The following MROH7 variants were observed in gnomAD, a reference collection of about 807,000 sequenced individuals.
The protein encoded by MROH7 is maestro heat-like repeat-containing protein family member 7.
In MROH7, 113 loss-of-function variants were observed where a neutral mutation model predicts 129.2. The observed-to-expected ratio is 0.87, with a 90% CI of 0.75 to 1.02. MROH7 has a LOEUF of 1.02. MROH7 is among the 50% of genes least tolerant of loss of function. MROH7 has a pLI of 0.00. For synonymous variants in MROH7, 655 were observed against 667.9 expected (o/e 0.98, Z 0.30); for missense variants, 1,601 against 1,671.3 (o/e 0.96, Z 0.73).
chr1:54,676,570 T>G lies in MROH7; in HGVS notation c.1937-2172T>G, dbSNP rs182369303. ...GACTACAGGTGGCTAATTTTTGTGTTTTTTAATAGAGTCAGAGTTTTGCCA... is the reference window on the plus strand; with the variant it reads ...GACTACAGGTGGCTAATTTTTGTGTGTTTTAATAGAGTCAGAGTTTTGCCA... On this transcript the variant is annotated intron_variant, in intron 10 of 23. Transcript: ENST00000421030. Among the ~76,000 whole-genome samples the G allele has an allele frequency of 1.6e-3, 240 of 152,140 alleles. 1 individual carries two copies. Among genetic ancestry groups the G allele is most frequent in the South Asian group, 3.5e-3 (17 of 4,816 alleles).
chr1:54,703,618 A>G lies in MROH7; in HGVS notation c.3564+873A>G, dbSNP rs555195180. Among the ~76,000 whole-genome samples, 11 of 152,186 alleles carry G rather than the reference A, an allele frequency of 7.2e-5. No individual in the cohort carries two copies. The highest frequency in any genetic ancestry group is 2.2e-4 in the African/African-American group (9 of 41,528). ...ATACCTGTGAACATCATGAGGTAGG[A>G]GCAAGCCGCGTGCATGTGCGCGCGC... On this transcript the variant is annotated intron_variant, in intron 21 of 23. Coordinates refer to ENST00000421030, the MANE Select transcript of MROH7 (RefSeq NM_001039464.4). This position sits in a 1 kb window ranked among gnomAD's most constrained non-coding sequence, Gnocchi z 4.4.
At chr1:54,652,181 G>A (rs1041861051) in intron 2 of MROH7, among the ~76,000 whole-genome samples, 198 bp downstream of exon 2, 1 of 152,110 alleles carries the variant, frequency 6.6e-6, no homozygotes, top group Non-Finnish European at 1.5e-5. Context: ...CTTTGCCAGG[G>A]TTGCTGTGAG....
intron 21 of MROH7, among the ~76,000 whole-genome samples, chr1:54,704,752 C>T (rs756343161): frequency 5.5e-5 from 8 of 145,514 alleles, no homozygotes; most frequent in Non-Finnish European, 1.0e-4. Context: ...GGTCAGAAAC[C>T]CTACATTTTT....
At chr1:54,642,555 G>A (rs1188451274) in intron 1 of MROH7, among the ~76,000 whole-genome samples, 1 of 152,154 alleles carries the variant, frequency 6.6e-6, no homozygotes, top group Admixed American at 6.5e-5. Context: ...GGAAAACTGT[G>A]GGTTGAAGAA....
chr1:54,693,704 C>T (rs75481918), intron 16 of MROH7, among the ~76,000 whole-genome samples: 3 of 152,076 alleles, frequency 2.0e-5, no homozygotes, highest in African/African-American at 4.8e-5. Flanking sequence ...TGCTGTGACT[C>T]CTGCAGGAAA....
intron 15 of MROH7, among the ~76,000 whole-genome samples, chr1:54,691,803 A>T (rs866405088): frequency 2.8e-3 from 287 of 104,160 alleles, no homozygotes; most frequent in East Asian, 6.9e-3. Flanking sequence ...AAAAAAAAAA[A>T]GTGTGTGTGT....
intron 1 of MROH7, among the ~76,000 whole-genome samples, chr1:54,649,896 A>T (rs1486474736): frequency 6.6e-6 from 1 of 152,350 alleles, no homozygotes; most frequent in Non-Finnish European, 1.5e-5. Context: ...CAAATTTTAC[A>T]TTCAGGGTAA....
At chr1:54,687,140 C>T (rs1208063237) in intron 15 of MROH7, among the ~76,000 whole-genome samples, 1 of 152,042 alleles carries the variant, frequency 6.6e-6, no homozygotes, top group East Asian at 1.9e-4. Context: ...GTGGCGCAAT[C>T]TCAGCTCACT....
chr1:54,691,205 G>GAA (rs1490124270), intron 15 of MROH7, among the ~76,000 whole-genome samples: 1 of 152,136 alleles, frequency 6.6e-6, no homozygotes, highest in Non-Finnish European at 1.5e-5. Context: ...GACTATCATT[G>GAA]ATGGCACACA....
intron 15 of MROH7, among the ~76,000 whole-genome samples, chr1:54,690,575 C>T (rs140555046): frequency 0.16 from 23,695 of 151,744 alleles, 2,066 homozygotes; most frequent in East Asian, 0.28. Flanking sequence ...TCCCGAGTAG[C>T]TGGGACTACA....
At chr1:54,686,765 A>G (rs12566292) in intron 15 of MROH7, among the ~76,000 whole-genome samples, 25,285 of 152,018 alleles carry the variant, frequency 0.17, 2,283 homozygotes, top group East Asian at 0.28. Flanking sequence ...CAAGGCCCAA[A>G]TACTTTATTT....
At chr1:54,676,331 G>A (rs963807543) in intron 10 of MROH7, among the ~76,000 whole-genome samples, 8 of 151,726 alleles carry the variant, frequency 5.3e-5, no homozygotes, top group South Asian at 2.1e-4. Flanking sequence ...TCAACCTCCC[G>A]GGCTCAGGTG....
chr1:54,691,877 C>CT (rs1426142758), intron 15 of MROH7, among the ~76,000 whole-genome samples: 2 of 140,058 alleles, frequency 1.4e-5, no homozygotes, highest in Non-Finnish European at 3.1e-5. Context: ...CTCTCTCTCT[C>CT]CTCCCCCCCA....
rs796822388 is a variant in MROH7 at position 54,699,156 on chromosome 1, T to G, written c.2965-1165T>G. ...TTTCTTTCTTTCTTTCTTTCTTTCTTTCTTTTCTTTCTTTCTTTCTTTCTT... is the reference window on the plus strand; with the variant it reads ...TTTCTTTCTTTCTTTCTTTCTTTCTGTCTTTTCTTTCTTTCTTTCTTTCTT... On this transcript the variant is annotated intron_variant, in intron 17 of 23. Coordinates refer to ENST00000421030, the MANE Select transcript of MROH7 (RefSeq NM_001039464.4). The G allele has an allele frequency of 2.2e-3, 188 of 85,740 alleles. 4 individuals carry two copies. The highest frequency in any genetic ancestry group is 6.4e-3 in the Middle Eastern group (1 of 156). The allele number at this position is 85,740 out of a possible 1,614,324, so 5.3% of individuals were successfully genotyped here.
intron 4 of MROH7, among the ~76,000 whole-genome samples, chr1:54,668,065 C>G (rs1170897421): frequency 2.0e-5 from 3 of 152,220 alleles, no homozygotes; most frequent in Non-Finnish European, 4.4e-5. Context: ...ATGACCCTCT[C>G]ATTTTCCAGG....
At chr1:54,699,101 T>C (rs1195845377) in intron 17 of MROH7, 1 of 67,360 alleles carries the variant, frequency 1.5e-5, no homozygotes, top group East Asian at 4.8e-4. Flanking sequence ...GCCTTTTCTT[T>C]CTTTCTTTCT....
At chr1:54,691,736 G>A (rs1331983736) in intron 15 of MROH7, among the ~76,000 whole-genome samples, 1 of 150,798 alleles carries the variant, frequency 6.6e-6, no homozygotes, top group African/African-American at 2.4e-5. Flanking sequence ...AACCCAGGAG[G>A]CAGAGATTGC....
Position 54,673,141 on chromosome 1 carries a change from C to G in MROH7, c.1650C>G (p.Leu550=). The G allele has an allele frequency of 1.9e-6, 3 of 1,613,996 alleles. No individual in the cohort carries two copies. Among genetic ancestry groups the G allele is most frequent in the Non-Finnish European group, 2.5e-6 (3 of 1,179,936 alleles). ...LEALQTLLKA[L]FIEDPTPAGL... The stretch of plus-strand genomic sequence containing the variant: ...CCCTGCAGACACTGCTCAAAGCCCT[C>G]TTTATCGAGGACCCCACTCCTGCTG... Residue 550 remains leucine, a synonymous_variant, in exon 8 of 24, where the codon CTC becomes CTG. Transcript: ENST00000421030.
intron 1 of MROH7, among the ~76,000 whole-genome samples, chr1:54,642,723 C>T (rs1310122634): frequency 1.3e-5 from 2 of 152,158 alleles, no homozygotes; most frequent in Non-Finnish European, 2.9e-5. Flanking sequence ...TCCAGTGACC[C>T]TCCCACCTCA....
Sources: gnomAD v4.1 joint callset for allele counts (sites outside exome capture counted in the v4.1 genomes callset) on GRCh38, gnomAD v4.1.1 for gene constraint, Gnocchi (gnomAD v3.1) non-coding constraint, MANE v1.5 for transcripts, NCBI Gene and HGNC (gene_info 2026-07-23, HGNC 2026-07-21) for gene names.